Variants in ZNF536 observed in about 807,000 individuals in gnomAD.
ZNF536 encodes the protein zinc finger protein 536.
ZNF536 carries 13 observed loss-of-function variants against 84.5 expected under a neutral mutation model. The ratio of observed to expected loss-of-function variants is 0.15; its 90% CI spans 0.10 to 0.24. The LOEUF is 0.24. ZNF536 is among the 10% of genes least tolerant of loss of function. The pLI, the probability that ZNF536 is intolerant of heterozygous loss-of-function variation, is 1.00. For synonymous variants in ZNF536, 811 were observed against 742.5 expected (o/e 1.09, Z -1.50); for missense variants, 1,536 against 1,747.5 (o/e 0.88, Z 2.16).
chr19:30,431,154 G>A (rs1177460143), intron 1 of ZNF536, among the ~76,000 whole-genome samples: 1 of 152,202 alleles, frequency 6.6e-6, no homozygotes, highest in Non-Finnish European at 1.5e-5. Flanking sequence ...GCCCCCAGCA[G>A]CCCTGGTTCC....
chr19:30,692,159 T>G (rs1458343819), intron 1 of ZNF536, among the ~76,000 whole-genome samples: 1 of 152,218 alleles, frequency 6.6e-6, no homozygotes, highest in Non-Finnish European at 1.5e-5. Context: ...GAATTACTGT[T>G]TGTAAGCATC....
At chr19:30,239,418 A>G (rs1044343211) in intron 1 of ZNF536, among the ~76,000 whole-genome samples, 2 of 152,238 alleles carry the variant, frequency 1.3e-5, no homozygotes, top group African/African-American at 4.8e-5. Context: ...AACCTATGTC[A>G]GTGACATGTA....
At chr19:30,389,841 G>A (rs989209957) in intron 1 of ZNF536, among the ~76,000 whole-genome samples, 3 of 152,224 alleles carry the variant, frequency 2.0e-5, no homozygotes, top group Non-Finnish European at 4.4e-5. Context: ...GGGCCACTTG[G>A]CTGCTGAGTG....
chr19:30,383,721 TTCTTTCTTTCTTTCTTTCTTTC>T (rs1226370729), intron 1 of ZNF536, among the ~76,000 whole-genome samples: 13 of 36,438 alleles, frequency 3.6e-4, no homozygotes, highest in East Asian at 2.0e-3. Context: ...CTTTCTTTCT[TTCTTTCTTTCTTTCTTTCTTTC>T]TCTTTCTTTC....
At chr19:30,683,129 C>T (rs2051040551) in intron 1 of ZNF536, among the ~76,000 whole-genome samples, 1 of 152,118 alleles carries the variant, frequency 6.6e-6, no homozygotes, top group Non-Finnish European at 1.5e-5. Context: ...GCCGTGCCTC[C>T]GGCTGCCCTC....
intron 1 of ZNF536, among the ~76,000 whole-genome samples, chr19:30,603,298 G>A (rs1292295048): frequency 6.6e-6 from 1 of 151,954 alleles, no homozygotes; most frequent in African/African-American, 2.4e-5. Flanking sequence ...AGAAAGAATG[G>A]ATGGATGGAT....
chr19:30,264,972 A>AGAGAAT (rs2025434090), intron 1 of ZNF536, among the ~76,000 whole-genome samples: 1 of 137,226 alleles, frequency 7.3e-6, no homozygotes, highest in Admixed American at 7.5e-5. Context: ...TGTGTGAGAG[A>AGAGAAT]GAGAGAGAGA....
intron 2 of ZNF536, among the ~76,000 whole-genome samples, chr19:30,525,408 C>T (rs938526749): frequency 3.3e-5 from 5 of 152,212 alleles, no homozygotes; most frequent in Non-Finnish European, 7.3e-5. Flanking sequence ...TTCCAACTTG[C>T]TTGCCTTCCC....
At chr19:30,553,992 G>A (rs1775577783) in intron 4 of ZNF536, 1 of 151,996 alleles carries the variant, frequency 6.6e-6, no homozygotes, top group South Asian at 2.1e-4. Context: ...TCATCCTCAG[G>A]TTATTGGGCA....
intron 1 of ZNF536, among the ~76,000 whole-genome samples, chr19:30,587,407 T>G (rs1316042116): frequency 1.3e-5 from 2 of 152,240 alleles, no homozygotes; most frequent in Non-Finnish European, 2.9e-5. Flanking sequence ...TCAGTTGGTA[T>G]TACTCTCCCA....
At chr19:30,292,730 A>T (rs373931626) in intron 2 of ZNF536, among the ~76,000 whole-genome samples, 1 of 152,194 alleles carries the variant, frequency 6.6e-6, no homozygotes, top group East Asian at 1.9e-4. Context: ...GAGGAAGCCA[A>T]TTGAGGGAGA....
At chr19:30,324,607 G>A (rs1412490616) in intron 2 of ZNF536, among the ~76,000 whole-genome samples, 3 of 152,114 alleles carry the variant, frequency 2.0e-5, no homozygotes, top group Non-Finnish European at 2.9e-5. Flanking sequence ...AATCAGGCTG[G>A]TCTTGAACTC....
intron 2 of ZNF536, among the ~76,000 whole-genome samples, chr19:30,449,630 T>C (rs2052506711): frequency 6.6e-6 from 1 of 152,216 alleles, no homozygotes; most frequent in African/African-American, 2.4e-5. Flanking sequence ...ATTGAATGCA[T>C]TGACCCTCTG....
At chr19:30,659,626 A>T (rs151307102) in intron 1 of ZNF536, among the ~76,000 whole-genome samples, 1 of 152,356 alleles carries the variant, frequency 6.6e-6, no homozygotes, top group East Asian at 1.9e-4. Flanking sequence ...AGGCAAGAGT[A>T]GAAGTGCCAG....
intron 2 of ZNF536, among the ~76,000 whole-genome samples, chr19:30,530,344 T>C (rs1222228685): frequency 6.6e-6 from 1 of 152,046 alleles, no homozygotes; most frequent in Non-Finnish European, 1.5e-5. Context: ...GTTGTTGTTG[T>C]TGTTGTTGTT....
intron 1 of ZNF536, among the ~76,000 whole-genome samples, chr19:30,646,284 T>G (rs1384491983): frequency 1.3e-5 from 2 of 152,178 alleles, no homozygotes; most frequent in Non-Finnish European, 2.9e-5. Flanking sequence ...AGTATGTTCT[T>G]TTTTCCTTTA....
intron 1 of ZNF536, among the ~76,000 whole-genome samples, chr19:30,437,855 C>A (rs1056356659): frequency 2.0e-5 from 3 of 152,226 alleles, no homozygotes; most frequent in Non-Finnish European, 4.4e-5. Context: ...TTCCATCAAT[C>A]AGCCAGGGTT....
chr19:30,484,670 CTTCT>C (rs1396899567), intron 2 of ZNF536, among the ~76,000 whole-genome samples: 1 of 98,412 alleles, frequency 1.0e-5, no homozygotes, highest in African/African-American at 7.9e-5. Flanking sequence ...CTTTTTTCTT[CTTCT>C]TCTTCTTCTT....
intron 1 of ZNF536, among the ~76,000 whole-genome samples, chr19:30,230,916 C>A (rs1013960671): frequency 6.6e-6 from 1 of 151,472 alleles, no homozygotes; most frequent in East Asian, 1.9e-4. Flanking sequence ...TTTTAAAGTG[C>A]CTTGAATGGA....
Sources: gnomAD v4.1 joint callset for allele counts (sites outside exome capture counted in the v4.1 genomes callset) on GRCh38, gnomAD v4.1.1 for gene constraint, MANE v1.5 for transcripts, NCBI Gene and HGNC (gene_info 2026-07-23, HGNC 2026-07-21) for gene names.